The following MYO15B variants were observed in gnomAD, a reference collection of about 807,000 sequenced individuals.
MYO15B encodes the protein myosin XVB.
MYO15B carries 207 observed loss-of-function variants against 119.3 expected under a neutral mutation model. The observed-to-expected ratio is 1.73, with a 90% CI of 1.55 to 1.95. The LOEUF (loss-of-function observed/expected upper bound fraction) is 1.95, where lower values mean the gene tolerates loss of function less well. MYO15B is among the 30% of genes most tolerant of loss of function. The probability of loss-of-function intolerance (pLI) is 0.00; values close to 1 mark genes in which losing one functional copy is unlikely to be tolerated. For missense variants in MYO15B, 2,264 were observed against 1,203.1 expected (o/e 1.88, Z -13.04); for synonymous variants, 966 against 498.9 (o/e 1.94, Z -12.48).
intron 14 of MYO15B, among the ~76,000 whole-genome samples, chr17:75,597,288 C>T (rs1356360944): frequency 6.6e-6 from 1 of 152,216 alleles, no homozygotes; most frequent in African/African-American, 2.4e-5. Context: ...CGGGGACAAA[C>T]CCCAGGGTAC....
At chr17:75,601,509 G>T in exon 15 of MYO15B, 2 of 703,132 alleles carry the variant, frequency 2.8e-6, no homozygotes, top group Non-Finnish European at 2.6e-6. Flanking sequence ...CCAAGCCCCG[G>T]CTGCCCCTGC....
exon 1 of MYO15B, chr17:75,588,162 C>G: frequency 5.0e-6 from 2 of 398,036 alleles, no homozygotes; most frequent in East Asian, 7.1e-5. Flanking sequence ...GCGCGCCCAG[C>G]CGGGAACGCC....
chr17:75,625,167 G>A, exon 60 of MYO15B: 1 of 702,462 alleles, frequency 1.4e-6, no homozygotes, highest in Admixed American at 2.0e-5. Flanking sequence ...TCAGCGCCAA[G>A]GCAGACGCGC....
rs1338737325 is a variant in MYO15B, at chr17:75,624,753, C to T, written c.8543-18C>T. 1 of 702,526 alleles carries T rather than the reference C, an allele frequency of 1.4e-6. No homozygotes were observed. Among genetic ancestry groups the T allele is most frequent in the African/African-American group, 1.7e-5 (1 of 57,226 alleles). The allele number at this position is 702,526 out of a possible 1,614,324, so 43.5% of individuals were successfully genotyped here. The stretch of plus-strand genomic sequence containing the variant: ...TGTGTGTGGTCTGAGCAGCAGTGGA[C>T]CTAGGCTCCCCATGCAGGCCAGCTG... On this transcript the variant is annotated intron_variant, in intron 58 of 63. Coordinates refer to ENST00000645453, the Ensembl canonical transcript of MYO15B.
chr17:75,592,395 G>T (rs2056529583), intron 7 of MYO15B, 33 bp from the exon 8 acceptor site: 1 of 676,158 alleles, frequency 1.5e-6, no homozygotes, highest in East Asian at 2.7e-5. Context: ...AGCCCCTAGG[G>T]CACTGAGCCC....
In MYO15B at chr17:75,615,045, G is replaced by T; in HGVS notation, c.5641+3G>T. On this transcript the variant is annotated splice_donor_region_variant and intron_variant, in intron 33 of 63. Transcript: ENST00000645453. ...CACACAGCAGGGCTACCCCATGGGT[G>T]AGTGAGGGGCTGATTCCTCACCCAG... 2 of 702,586 alleles carry T rather than the reference G, an allele frequency of 2.8e-6. No individual in the cohort carries two copies. Among genetic ancestry groups the T allele is most frequent in the South Asian group, 3.0e-5 (2 of 67,566 alleles). The allele number at this position is 702,586 out of a possible 1,614,324, so 43.5% of individuals were successfully genotyped here.
chr17:75,618,397 G>A (rs1048084227), intron 43 of MYO15B, among the ~76,000 whole-genome samples: 1 of 152,252 alleles, frequency 6.6e-6, no homozygotes, highest in Non-Finnish European at 1.5e-5. Flanking sequence ...GCTCATGCCT[G>A]TAATCCCAGC....
At chr17:75,592,802 A>T (rs1395444141) in exon 9 of MYO15B, 1 of 702,716 alleles carries the variant, frequency 1.4e-6, no homozygotes, top group Admixed American at 2.0e-5. Context: ...GCTGGCCGCC[A>T]TCCTGCAGCT....
At chr17:75,603,308 G>A (rs1001979955) in exon 19 of MYO15B, 3 of 702,910 alleles carry the variant, frequency 4.3e-6, no homozygotes, top group Admixed American at 2.0e-5. Flanking sequence ...GGCCTTCCTG[G>A]CCAGGTGGGG....
At chr17:75,615,130 G>A (rs968808880) in intron 33 of MYO15B, 88 bp downstream of exon 33, 5 of 678,164 alleles carry the variant, frequency 7.4e-6, no homozygotes, top group Admixed American at 4.1e-5. Context: ...AGTGGCGATC[G>A]ATGCCCTGGC....
rs559087065 is a variant in MYO15B, at chr17:75,592,423, C to T, written c.2716-5C>T. 63 of 638,488 alleles carry T rather than the reference C, an allele frequency of 9.9e-5. No individual in the cohort carries two copies. The highest frequency in any genetic ancestry group is 7.4e-4 in the African/African-American group (41 of 55,056). The allele number at this position is 638,488 out of a possible 1,614,324, so 39.6% of individuals were successfully genotyped here. ...CTGAGCCCCTAAGCCAGTCCTGTCCCCAAGGCCCAGGCTGAGCGGAGCTTC... is the reference window on the plus strand; with the variant it reads ...CTGAGCCCCTAAGCCAGTCCTGTCCTCAAGGCCCAGGCTGAGCGGAGCTTC... On this transcript the variant is annotated splice_region_variant and splice_polypyrimidine_tract_variant and intron_variant, in intron 7 of 63. Transcript: ENST00000645453.
At chr17:75,607,203 G>A in intron 21 of MYO15B, 1 of 374,746 alleles carries the variant, frequency 2.7e-6, no homozygotes, top group Non-Finnish European at 4.7e-6. Context: ...CAGAAACTCT[G>A]GACCCATTAA....
chr17:75,616,952 G>A (rs969305291), exon 40 of MYO15B: 33 of 702,544 alleles, frequency 4.7e-5, no homozygotes, highest in East Asian at 2.7e-4. Context: ...GTGCCCACTC[G>A]TCCCCGCCGG....
chr17:75,624,910 C>T (rs994590600), exon 59 of MYO15B: 1 of 702,608 alleles, frequency 1.4e-6, no homozygotes, highest in Non-Finnish European at 2.6e-6. Context: ...GCACCCACTA[C>T]AGCCAGGTCA....
chr17:75,605,788 G>A (rs1293431462), intron 20 of MYO15B, 76 bp from the exon 21 acceptor site: 5 of 647,974 alleles, frequency 7.7e-6, no homozygotes, highest in South Asian at 1.7e-5. Flanking sequence ...TGGAAGGGAG[G>A]AGGCTGAGAC....
rs2058182110 is a variant in MYO15B at position 75,613,780 on chromosome 17, A to T, written c.5219+3A>T. The T allele has an allele frequency of 1.4e-6, 1 of 701,118 alleles. No homozygotes were observed. The highest frequency in any genetic ancestry group is 2.6e-6 in the Non-Finnish European group (1 of 384,130). The allele number at this position is 701,118 out of a possible 1,614,324, so 43.4% of individuals were successfully genotyped here. On this transcript the variant is annotated splice_donor_region_variant and intron_variant, in intron 29 of 63. Transcript: ENST00000645453. ...GCTGGGTGGATCCTGCAGAGCAGGT[A>T]TGGGGACCGGGGATGGGGGACAGTG...
At chr17:75,612,510 T>C (rs575224055) in intron 25 of MYO15B, among the ~76,000 whole-genome samples, 1 of 152,122 alleles carries the variant, frequency 6.6e-6, no homozygotes, top group South Asian at 2.1e-4. Context: ...CCGTCTCTAC[T>C]AAAAATACAA....
chr17:75,621,025 T>C lies in MYO15B; in HGVS notation c.7726-6T>C, dbSNP rs1170222704. On this transcript the variant is annotated splice_polypyrimidine_tract_variant and splice_region_variant and intron_variant, in intron 49 of 63. Transcript: ENST00000645453. Reference sequence around the variant, plus strand: ...TCAGGTGGCACCAGGTTTCTTGTGATCCCAGCGCCCTGCCCACCCTTGGAG... The same window carrying C: ...TCAGGTGGCACCAGGTTTCTTGTGACCCCAGCGCCCTGCCCACCCTTGGAG... 1.4e-6 allele frequency: 1 copy of C among 702,720 alleles called. No homozygotes were observed. The highest frequency in any genetic ancestry group is 2.6e-6 in the Non-Finnish European group (1 of 385,012). The allele number at this position is 702,720 out of a possible 1,614,324, so 43.5% of individuals were successfully genotyped here.
chr17:75,625,092 C>T (rs762451210), intron 59 of MYO15B, 31 bp from the exon 60 acceptor site: 79 of 673,160 alleles, frequency 1.2e-4, no homozygotes, highest in Middle Eastern at 2.4e-4. Context: ...TTTGGACCAC[C>T]GCTGCCCTCC....
Sources: allele counts gnomAD v4.1 joint callset (sites outside exome capture counted in the v4.1 genomes callset), GRCh38; gene constraint gnomAD v4.1.1; transcripts MANE v1.5; gene names NCBI Gene and HGNC (gene_info 2026-07-23, HGNC 2026-07-21).